The following TNFAIP8 variants were observed in gnomAD, a reference collection of about 807,000 sequenced individuals.
TNFAIP8 encodes the protein tumor necrosis factor alpha-induced protein 8.
Under a neutral mutation model 13.3 loss-of-function variants are expected in TNFAIP8, and 7 were observed. The observed-to-expected ratio is 0.52, with a 90% CI of 0.30 to 0.99. The LOEUF is 0.99. TNFAIP8 is among the 50% of genes least tolerant of loss of function. TNFAIP8 has a pLI of 0.07. For missense variants in TNFAIP8, 258 were observed against 236.9 expected (o/e 1.09, Z -0.58); for synonymous variants, 94 against 87.6 (o/e 1.07, Z -0.41).
At chr5:119,289,137 A>G (rs573112831) in intron 1 of TNFAIP8, among the ~76,000 whole-genome samples, 7 of 152,346 alleles carry the variant, frequency 4.6e-5, no homozygotes, top group African/African-American at 1.7e-4. Context: ...CCTGTTAGGA[A>G]TTAGTGTATT....
chr5:119,319,053 T>C (rs1561998665), intron 1 of TNFAIP8, among the ~76,000 whole-genome samples: 1 of 152,228 alleles, frequency 6.6e-6, no homozygotes, highest in Non-Finnish European at 1.5e-5. Flanking sequence ...CAAGGGATAC[T>C]TTAATTGTAG....
chr5:119,268,795 C>A, exon 1 of TNFAIP8: 1 of 692,048 alleles, frequency 1.4e-6, no homozygotes, highest in Admixed American at 2.1e-5. Flanking sequence ...CTAACCCGCG[C>A]TTGGCTAAGG....
intron 1 of TNFAIP8, among the ~76,000 whole-genome samples, chr5:119,311,840 T>A (rs1749742599): frequency 6.6e-6 from 1 of 152,018 alleles, no homozygotes; most frequent in African/African-American, 2.4e-5. Context: ...AAGCTCTGGT[T>A]TATAGAGTTT....
chr5:119,300,160 G>A (rs956313241), intron 1 of TNFAIP8, among the ~76,000 whole-genome samples: 4 of 152,108 alleles, frequency 2.6e-5, no homozygotes, highest in African/African-American at 9.7e-5. Flanking sequence ...AGATGAACCT[G>A]GTACCTCAGA....
chr5:119,365,764 G>A (rs941440604), intron 1 of TNFAIP8, among the ~76,000 whole-genome samples: 94 of 152,246 alleles, frequency 6.2e-4, no homozygotes, highest in African/African-American at 2.2e-3. Context: ...GAAATATCTA[G>A]AATGAAAATG....
At chr5:119,318,606 T>C (rs763274713) in intron 1 of TNFAIP8, among the ~76,000 whole-genome samples, 4 of 152,064 alleles carry the variant, frequency 2.6e-5, no homozygotes, top group African/African-American at 4.8e-5. Context: ...TAGAACTAAA[T>C]TGATGTACAT....
intron 1 of TNFAIP8, among the ~76,000 whole-genome samples, chr5:119,295,222 T>TCTTG (rs1561987424): frequency 1.9e-4 from 9 of 48,050 alleles, no homozygotes; most frequent in African/African-American, 1.4e-3. Flanking sequence ...ACGTTTAGTC[T>TCTTG]AACGTTAGAC....
At chr5:119,356,482 CT>C (rs1388914754) in intron 1 of TNFAIP8, among the ~76,000 whole-genome samples, 2 of 152,144 alleles carry the variant, frequency 1.3e-5, no homozygotes, top group African/African-American at 4.8e-5. Flanking sequence ...AGCGGGATCC[CT>C]GGAAGAGCCC....
intron 1 of TNFAIP8, among the ~76,000 whole-genome samples, chr5:119,368,033 T>G (rs1751928474): frequency 6.6e-6 from 1 of 152,208 alleles, no homozygotes; most frequent in South Asian, 2.1e-4. Flanking sequence ...ATCTCCCCAC[T>G]GAGGTAGGTA....
rs1017150025 is a variant in TNFAIP8 at position 119,399,639 on chromosome 5, C to T, written c.*6258C>T. ...TGTTGAAAGTAATGATTTCTAGCAG[C>T]TACTTATGTATAATCTCTTAACCAA... On this transcript the variant is annotated 3_prime_UTR_variant, in exon 2 of 2. Coordinates refer to ENST00000504771, the MANE Select transcript of TNFAIP8 (RefSeq NM_014350.4). The T allele has an allele frequency of 6.6e-6, 1 of 152,174 alleles. No homozygotes were observed. The highest frequency in any genetic ancestry group is 1.5e-5 in the Non-Finnish European group (1 of 68,042). 9.4% of individuals were successfully genotyped at this position (152,174 alleles called of 1,614,324 possible). A position where few individuals can be genotyped will look rare whatever the true frequency, so the allele number is the denominator to read the frequency against.
chr5:119,287,227 A>T (rs73248995), intron 1 of TNFAIP8, among the ~76,000 whole-genome samples: 1,528 of 140,408 alleles, frequency 0.011, 17 homozygotes, highest in African/African-American at 0.037. Flanking sequence ...ATTCCTCCTT[A>T]GTTTGCAGCT....
chr5:119,356,196 A>T (rs1404220686), intron 1 of TNFAIP8, 75 bp downstream of exon 1: 4 of 1,353,030 alleles, frequency 3.0e-6, no homozygotes, highest in Non-Finnish European at 4.0e-6. Flanking sequence ...GTAGAAGAGG[A>T]TGGGAGTTTT....
chr5:119,357,436 C>G (rs1751473528), intron 1 of TNFAIP8, among the ~76,000 whole-genome samples: 1 of 152,128 alleles, frequency 6.6e-6, no homozygotes, highest in African/African-American at 2.4e-5. Flanking sequence ...AAATAGGAAC[C>G]AGGCTGAGAG....
rs1369794596 is a variant in TNFAIP8 at position 119,393,138 on chromosome 5, G to A, written c.354G>A (p.Gln118=). ...QLAMTVVSFH[Q]VDYTFDRNVL... is the part of the protein sequence containing the mutation. ...CTATGACCGTGGTCAGTTTCCATCAGGTGGATTATACCTTTGACCGGAATG... is the reference window on the plus strand; with the variant it reads ...CTATGACCGTGGTCAGTTTCCATCAAGTGGATTATACCTTTGACCGGAATG... The change falls in exon 2 of 2, where the codon CAG becomes CAA. Residue 118 remains glutamine, a synonymous_variant. Transcript: ENST00000504771. 1 of 1,614,002 alleles carries A rather than the reference G, an allele frequency of 6.2e-7. No individual in the cohort carries two copies. Among genetic ancestry groups the A allele is most frequent in the Non-Finnish European group, 8.5e-7 (1 of 1,179,888 alleles).
At chr5:119,367,418 T>C (rs1580428266) in intron 1 of TNFAIP8, among the ~76,000 whole-genome samples, 2 of 152,370 alleles carry the variant, frequency 1.3e-5, no homozygotes, top group African/African-American at 4.8e-5. Context: ...AGAACTGTTA[T>C]ATTTGGTAGT....
At chr5:119,340,161 G>T (rs1322111006) in intron 1 of TNFAIP8, among the ~76,000 whole-genome samples, 1 of 152,232 alleles carries the variant, frequency 6.6e-6, no homozygotes, top group Non-Finnish European at 1.5e-5. Context: ...GATGAAATCT[G>T]TGGCTGGAGT....
intron 1 of TNFAIP8, among the ~76,000 whole-genome samples, chr5:119,391,868 G>A (rs1455371326): frequency 6.6e-6 from 1 of 151,766 alleles, no homozygotes; most frequent in Non-Finnish European, 1.5e-5. Context: ...ATTTTCACTT[G>A]ACCAGCTCTA....
intron 1 of TNFAIP8, among the ~76,000 whole-genome samples, chr5:119,293,720 A>T (rs1438734228): frequency 6.6e-6 from 1 of 152,236 alleles, no homozygotes; most frequent in Non-Finnish European, 1.5e-5. Flanking sequence ...AAAAATGGTA[A>T]CAAAAGAAGA....
At chr5:119,351,024 GT>G (rs1562012685), upstream of TNFAIP8, among the ~76,000 whole-genome samples, 245 of 151,226 alleles carry the variant, frequency 1.6e-3, 1 homozygote, top group African/African-American at 5.4e-3. Flanking sequence ...GTGTGTGTGT[GT>G]GTGTGTGTGT....
Sources: allele counts gnomAD v4.1 joint callset (sites outside exome capture counted in the v4.1 genomes callset), GRCh38; gene constraint gnomAD v4.1.1; transcripts MANE v1.5; gene names NCBI Gene and HGNC (gene_info 2026-07-23, HGNC 2026-07-21).